ADGRB3: variants seen among roughly 807,000 people sequenced by gnomAD.
The protein encoded by ADGRB3 is adhesion G protein-coupled receptor B3.
ADGRB3 carries 37 observed loss-of-function variants against 193.4 expected under a neutral mutation model. That is an observed-to-expected ratio of 0.19 (90% CI 0.15 to 0.25). The LOEUF is 0.25. Ranked by LOEUF, ADGRB3 falls within the 10% of genes least tolerant of loss-of-function variation. The pLI is 1.00. For synonymous variants in ADGRB3, 690 were observed against 644.2 expected (o/e 1.07, Z -1.08); for missense variants, 1,637 against 1,852.9 (o/e 0.88, Z 2.14).
intron 8 of ADGRB3, among the ~76,000 whole-genome samples, chr6:68,968,411 CT>C (rs879924961): frequency 6.6e-6 from 1 of 152,158 alleles, no homozygotes; most frequent in Non-Finnish European, 1.5e-5. Context: ...CAAATTGAAT[CT>C]TCGTTTTCTT....
intron 3 of ADGRB3, among the ~76,000 whole-genome samples, chr6:68,908,880 C>T (rs1026204119): frequency 1.1e-4 from 16 of 152,076 alleles, no homozygotes; most frequent in African/African-American, 2.7e-4. Context: ...TGACATCAGC[C>T]GAGCTGACAA....
chr6:69,093,061 T>C (rs1772762239), intron 17 of ADGRB3, among the ~76,000 whole-genome samples: 1 of 151,384 alleles, frequency 6.6e-6, no homozygotes, highest in African/African-American at 2.4e-5. Flanking sequence ...GTGGGCAGCC[T>C]AGTTTCAGTG....
At chr6:68,937,675 C>G (rs1002629597) in intron 5 of ADGRB3, among the ~76,000 whole-genome samples, 1 of 152,088 alleles carries the variant, frequency 6.6e-6, no homozygotes, top group African/African-American at 2.4e-5. Flanking sequence ...ATGGCTGACT[C>G]CACAGTTGCT....
chr6:69,027,925 G>A (rs574773039), intron 13 of ADGRB3, among the ~76,000 whole-genome samples: 69 of 152,284 alleles, frequency 4.5e-4, no homozygotes, highest in African/African-American at 1.4e-3. Flanking sequence ...GCAGCTATTC[G>A]AATGCCTGTA....
At chr6:68,913,379 T>C (rs1382450243) in intron 3 of ADGRB3, among the ~76,000 whole-genome samples, 17 of 152,182 alleles carry the variant, frequency 1.1e-4, no homozygotes, top group Admixed American at 1.1e-3. Context: ...GCAACATTCG[T>C]GGTTCACGAA....
intron 3 of ADGRB3, among the ~76,000 whole-genome samples, chr6:68,810,003 G>C (rs1767478962): frequency 6.6e-6 from 1 of 152,058 alleles, no homozygotes; most frequent in Non-Finnish European, 1.5e-5. Flanking sequence ...GTGGGTTCCT[G>C]GTAATACCAT....
At chr6:68,954,063 C>T (rs1768005301) in intron 6 of ADGRB3, among the ~76,000 whole-genome samples, 1 of 152,108 alleles carries the variant, frequency 6.6e-6, no homozygotes, top group East Asian at 1.9e-4. Context: ...TATTTTGTGG[C>T]ATATGGGATT....
In ADGRB3 at chr6:69,075,837, G is replaced by A. The variant is rs117611962; in HGVS notation, c.2437-158G>A. 9.4e-3 allele frequency among the ~76,000 whole-genome samples: 1,424 copies of A among 152,070 alleles called. 14 individuals carry two copies. The highest frequency in any genetic ancestry group is 0.016 in the Non-Finnish European group (1,079 of 67,944). ...ATGAGTCACTAAATCTATGAGAAAC[G>A]AAATGCAAATTTCTTATAAATAATT... On this transcript the variant is annotated intron_variant, in intron 16 of 31. Transcript: ENST00000370598.
intron 17 of ADGRB3, among the ~76,000 whole-genome samples, chr6:69,192,249 G>A (rs9454718): frequency 6.6e-6 from 1 of 152,122 alleles, no homozygotes; most frequent in African/African-American, 2.4e-5. Context: ...TGCGGTCAAA[G>A]GTCCAAGAGT....
rs1428000395 is a variant in ADGRB3, at chr6:69,238,898, G to GA, written c.2712-217dup. On this transcript the variant is annotated intron_variant, in intron 19 of 31. Coordinates refer to ENST00000370598, the MANE Select transcript of ADGRB3 (RefSeq NM_001704.3). Reference sequence around the variant, plus strand: ...GCCATACTGTCCCACCAATGTCTAAGAAAAAAAAATTCTAAAGGACGCTTG... The same window carrying GA: ...GCCATACTGTCCCACCAATGTCTAAGAAAAAAAAAATTCTAAAGGACGCTTG... 3.3e-5 allele frequency among the ~76,000 whole-genome samples: 5 copies of GA among 151,258 alleles called. No homozygotes were observed. In the South Asian group the frequency reaches 1.0e-3, roughly 31 times the overall value.
intron 8 of ADGRB3, among the ~76,000 whole-genome samples, chr6:68,964,517 G>A (rs1350575643): frequency 6.6e-6 from 1 of 152,144 alleles, no homozygotes; most frequent in African/African-American, 2.4e-5. Flanking sequence ...GTCTTTGGCT[G>A]TTCCTAAGGT....
chr6:68,863,699 AG>A (rs1765217712), intron 3 of ADGRB3, among the ~76,000 whole-genome samples: 1 of 152,208 alleles, frequency 6.6e-6, no homozygotes, highest in Non-Finnish European at 1.5e-5. Context: ...TAGACTACTT[AG>A]AGAATGGCTT....
chr6:68,965,991 T>A (rs926507405), intron 8 of ADGRB3, among the ~76,000 whole-genome samples: 6 of 152,186 alleles, frequency 3.9e-5, no homozygotes, highest in Non-Finnish European at 8.8e-5. Flanking sequence ...TCAATTAACT[T>A]TTTTATAATA....
chr6:68,673,561 A>G (rs1241021346), intron 3 of ADGRB3, among the ~76,000 whole-genome samples: 4 of 152,150 alleles, frequency 2.6e-5, no homozygotes, highest in African/African-American at 4.8e-5. Context: ...CTGAAATAAA[A>G]GAGACTCTGG....
At chr6:68,849,046 T>A (rs1037181353) in intron 3 of ADGRB3, among the ~76,000 whole-genome samples, 18 of 152,040 alleles carry the variant, frequency 1.2e-4, no homozygotes, top group Non-Finnish European at 1.8e-4. Flanking sequence ...AAAGGTTAAA[T>A]GCTCACCCAG....
chr6:68,944,337 C>T (rs1767719513), intron 6 of ADGRB3, among the ~76,000 whole-genome samples: 1 of 152,148 alleles, frequency 6.6e-6, no homozygotes, highest in South Asian at 2.1e-4. Context: ...CACACTGGAA[C>T]TAGGGAGATC....
intron 5 of ADGRB3, 107 bp from the exon 6 acceptor site, chr6:68,943,723 T>C (rs1379926994): frequency 3.4e-6 from 3 of 892,208 alleles, no homozygotes; most frequent in African/African-American, 1.7e-5. Flanking sequence ...TTTTAACATA[T>C]CTTTACATTT....
At chr6:68,645,287 G>A (rs1768182703) in intron 3 of ADGRB3, among the ~76,000 whole-genome samples, 1 of 151,884 alleles carries the variant, frequency 6.6e-6, no homozygotes, top group African/African-American at 2.4e-5. Context: ...TCTTTTCAGA[G>A]TAGGCTAGTA....
intron 11 of ADGRB3, 40 bp from the exon 12 acceptor site, chr6:69,013,998 C>G (rs1770018237): frequency 1.5e-6 from 2 of 1,364,802 alleles, no homozygotes; most frequent in Non-Finnish European, 2.0e-6. Context: ...GTATAATTCT[C>G]TCATGTAATA....
Sources: gnomAD v4.1 joint callset for allele counts (sites outside exome capture counted in the v4.1 genomes callset) on GRCh38, gnomAD v4.1.1 for gene constraint, MANE v1.5 for transcripts, NCBI Gene and HGNC (gene_info 2026-07-23, HGNC 2026-07-21) for gene names.